RHOBTB2: variants seen among roughly 807,000 people sequenced by gnomAD.
The protein encoded by RHOBTB2 is Rho related BTB domain containing 2, also known as rho-related BTB domain-containing protein 2.
Under a neutral mutation model 66.5 loss-of-function variants are expected in RHOBTB2, and 39 were observed. The ratio of observed to expected loss-of-function variants is 0.59; its 90% CI spans 0.45 to 0.77. The LOEUF is 0.77. RHOBTB2 is among the 30% of genes least tolerant of loss of function. The pLI, the probability that RHOBTB2 is intolerant of heterozygous loss-of-function variation, is 0.00. For missense variants in RHOBTB2, 755 were observed against 999.1 expected, an observed-to-expected ratio of 0.76 and a Z score of 3.29; for synonymous variants, 390 against 395.0, an observed-to-expected ratio of 0.99 and a Z score of 0.15.
At chr8:22,994,614 C>T (rs1163873186), upstream of RHOBTB2, 2 of 1,551,516 alleles carry the variant, frequency 1.3e-6, no homozygotes, top group Non-Finnish European at 8.7e-7. Flanking sequence ...CCCCGATGGC[C>T]CCCAGAAGAC....
chr8:22,968,947 C>G, the RHOBTB2 span, among the ~76,000 whole-genome samples: 1 of 151,132 alleles, frequency 6.6e-6, no homozygotes, highest in Non-Finnish European at 1.5e-5. Flanking sequence ...AGATAAAAAT[C>G]TGGAATTCTT....
At chr8:22,981,518 G>A in the RHOBTB2 span, among the ~76,000 whole-genome samples, 1 of 152,154 alleles carries the variant, frequency 6.6e-6, no homozygotes, top group Non-Finnish European at 1.5e-5. Flanking sequence ...TTGAGAGCTG[G>A]GTCTTTTGCC....
chr8:22,999,654 G>GA lies in RHOBTB2; in HGVS notation c.-456dup. ...TTTTCCCTATCCTTTTTTTGTGAAT[G>GA]AAAAAAGGAGGTCGCGAGCGGTACC... is the stretch of plus-strand genomic sequence containing the variant. On this transcript the variant is annotated 5_prime_UTR_variant, in exon 1 of 10. It removes the in-frame stop codon of an upstream open reading frame in the 5' UTR. Transcript: ENST00000251822. The GA allele has an allele frequency of 8.0e-7, 1 of 1,242,374 alleles. No homozygotes were observed. Among genetic ancestry groups the GA allele is most frequent in the East Asian group, 8.1e-5 (1 of 12,362 alleles). 77.0% of individuals were successfully genotyped at this position (1,242,374 alleles called of 1,614,324 possible).
chr8:22,967,806 G>C, the RHOBTB2 span, among the ~76,000 whole-genome samples: 2 of 151,942 alleles, frequency 1.3e-5, no homozygotes, highest in Non-Finnish European at 2.9e-5. Flanking sequence ...GGTGGGGATG[G>C]TGGCACAACA....
intron 8 of RHOBTB2, 138 bp downstream of exon 8, chr8:23,014,916 C>T: frequency 1.4e-6 from 1 of 693,184 alleles, no homozygotes. Context: ...CTGCGCGTAG[C>T]CCATCTCCTC....
Position 23,015,696 on chromosome 8 carries a change from A to G in RHOBTB2, c.1919A>G (p.Asn640Ser). Residue 640 changes from asparagine to serine, a missense_variant, in exon 9 of 10, where the codon AAC becomes AGC. Asn to Ser is a conservative substitution (Grantham distance 46). Around this residue, in one of 7 missense-constraint regions of RHOBTB2, gnomAD observed 353 missense variants for 458.2 expected, o/e 0.77. Transcript: ENST00000251822. ...WCLHHICTNY[N>S]NVCRKFPRDM... ...CTCCACCACATCTGCACCAACTACA[A>G]CAACGTGTGCCGCAAGTTCCCCCGA... 1 of 1,613,922 alleles carries G rather than the reference A, an allele frequency of 6.2e-7. No homozygotes were observed. The highest frequency in any genetic ancestry group is 8.5e-7 in the Non-Finnish European group (1 of 1,179,890).
chr8:22,958,664 G>C, the RHOBTB2 span, among the ~76,000 whole-genome samples: 1,107 of 152,004 alleles, frequency 7.3e-3, 11 homozygotes, highest in African/African-American at 0.025. Context: ...AGCTGGGCCT[G>C]GTGGTGCACA....
At position 23,020,115 on chromosome 8, in the gene RHOBTB2, A is replaced by C. The variant is rs1275246278; in HGVS notation, c.*2646A>C. 2.7e-6 allele frequency: 1 copy of C among 371,412 alleles called. No individual in the cohort carries two copies. Among genetic ancestry groups the C allele is most frequent in the South Asian group, 2.1e-5 (1 of 48,396 alleles). 23.0% of individuals were successfully genotyped at this position (371,412 alleles called of 1,614,324 possible). On this transcript the variant is annotated 3_prime_UTR_variant, in exon 10 of 10. Transcript: ENST00000251822. ...GGAGGAGGGGAGGTTGGGGGGCGGG[A>C]GACAAAAACCACACCTCTTTTTATA...
At chr8:23,008,186 C>T (rs1811032782) in intron 6 of RHOBTB2, 75 bp downstream of exon 6, 1 of 1,016,588 alleles carries the variant, frequency 9.8e-7, no homozygotes, top group Non-Finnish European at 1.5e-6. Flanking sequence ...CACTGCCACT[C>T]AGGGTACTTT....
upstream of RHOBTB2, among the ~76,000 whole-genome samples, chr8:22,985,705 C>T (rs543342729): frequency 9.5e-4 from 144 of 152,322 alleles, 2 homozygotes; most frequent in African/African-American, 3.1e-3. Context: ...ATAGAACATT[C>T]CCAGCCAGAC....
chr8:22,987,424 A>G (rs986483820), exon 1 of RHOBTB2: 2 of 152,606 alleles, frequency 1.3e-5, no homozygotes, highest in Non-Finnish European at 2.9e-5. Flanking sequence ...CATGTCCTTC[A>G]CCTGCCTTCC....
At chr8:22,976,633 CT>C in the RHOBTB2 span, among the ~76,000 whole-genome samples, 8 of 150,418 alleles carry the variant, frequency 5.3e-5, no homozygotes, top group Admixed American at 1.3e-4. Context: ...ATCCATAGAA[CT>C]TTTTTTTTTC....
At chr8:23,012,252 G>GT (rs1811170046) in intron 7 of RHOBTB2, among the ~76,000 whole-genome samples, 2 of 152,310 alleles carry the variant, frequency 1.3e-5, no homozygotes, top group East Asian at 3.9e-4. Flanking sequence ...AGTTCATTTC[G>GT]TCATGGCAGG....
chr8:23,008,167 C>T, intron 6 of RHOBTB2, 56 bp downstream of exon 6: 2 of 1,200,696 alleles, frequency 1.7e-6, no homozygotes, highest in Non-Finnish European at 2.4e-6. Flanking sequence ...GCACCCTTTA[C>T]ATCTGAGGCA....
chr8:22,954,584 T>A, the RHOBTB2 span, among the ~76,000 whole-genome samples: 5 of 152,222 alleles, frequency 3.3e-5, no homozygotes, highest in Non-Finnish European at 7.3e-5. Flanking sequence ...CAACAAATAG[T>A]GTTGAGACAA....
the RHOBTB2 span, among the ~76,000 whole-genome samples, chr8:22,963,668 C>T: frequency 3.3e-5 from 5 of 152,166 alleles, no homozygotes; most frequent in South Asian, 4.1e-4. Context: ...GGAAGCCTCA[C>T]AATCATGGCG....
chr8:22,987,854 A>G (rs561544333), intron 1 of RHOBTB2, among the ~76,000 whole-genome samples: 1 of 152,282 alleles, frequency 6.6e-6, no homozygotes, highest in East Asian at 1.9e-4. Context: ...TCCACTCGTC[A>G]TGAGGGTGTC....
the RHOBTB2 span, among the ~76,000 whole-genome samples, chr8:22,957,622 T>C: frequency 6.6e-6 from 1 of 152,144 alleles, no homozygotes. Flanking sequence ...GAGATGCAGA[T>C]GAACTAGGAA....
chr8:22,994,431 C>T (rs1039366319), intron 2 of RHOBTB2: 152 of 559,216 alleles, frequency 2.7e-4, no homozygotes, highest in Middle Eastern at 4.7e-4. Flanking sequence ...CATCAGGGGC[C>T]GCTCTCTTGT....
Sources: gnomAD v4.1 joint callset for allele counts (sites outside exome capture counted in the v4.1 genomes callset) on GRCh38, gnomAD v4.1.1 for gene constraint, gnomAD v4.1.1 regional missense constraint, MANE v1.5 for transcripts, NCBI Gene and HGNC (gene_info 2026-07-23, HGNC 2026-07-21) for gene names.